CCDC85C: variants seen among roughly 807,000 people sequenced by gnomAD.
CCDC85C encodes the protein coiled-coil domain-containing protein 85C.
CCDC85C carries 18 observed loss-of-function variants against 38.3 expected under a neutral mutation model. The ratio of observed to expected loss-of-function variants is 0.47; its 90% CI spans 0.33 to 0.70. The LOEUF is 0.70. Among genes scored for constraint, CCDC85C ranks in the 30% least tolerant of loss-of-function variants. The probability of loss-of-function intolerance (pLI) is 0.03; values close to 1 mark genes in which losing one functional copy is unlikely to be tolerated. For synonymous variants in CCDC85C, 264 were observed against 293.8 expected (o/e 0.90, Z 1.04); for missense variants, 566 against 621.2 (o/e 0.91, Z 0.94).
At chr14:99,593,127 G>A (rs1041678332) in intron 1 of CCDC85C, among the ~76,000 whole-genome samples, 13 of 152,232 alleles carry the variant, frequency 8.5e-5, no homozygotes, top group Non-Finnish European at 5.9e-5. Flanking sequence ...GGCCGGTGCC[G>A]TGCGCGGTGA....
At chr14:99,527,083 CAGGCCTCA>C (rs1223501457) in intron 2 of CCDC85C, among the ~76,000 whole-genome samples, 1 of 152,232 alleles carries the variant, frequency 6.6e-6, no homozygotes, top group Non-Finnish European at 1.5e-5. Context: ...CCACAGAAGA[CAGGCCTCA>C]ACTTGACCCC....
intron 1 of CCDC85C, among the ~76,000 whole-genome samples, chr14:99,602,330 AGCTGACAGAG>A (rs1429461212): frequency 6.6e-6 from 1 of 152,206 alleles, no homozygotes; most frequent in Non-Finnish European, 1.5e-5. Context: ...AGAAGACAGA[AGCTGACAGAG>A]GCCAAAGTTC....
Position 99,501,503 on chromosome 14 carries a change from C to A in CCDC85C, c.*13743G>T. 2 of 919,432 alleles carry A rather than the reference C, an allele frequency of 2.2e-6. No individual in the cohort carries two copies. The highest frequency in any genetic ancestry group is 1.4e-5 in the South Asian group (1 of 70,628). The allele number at this position is 919,432 out of a possible 1,614,324, so 57.0% of individuals were successfully genotyped here. ...TTCATCTAAACCCCTCATTTTGTGTCAGAAGAAACTGACTTGCCCTGGCTT... is the reference window on the plus strand; with the variant it reads ...TTCATCTAAACCCCTCATTTTGTGTAAGAAGAAACTGACTTGCCCTGGCTT... On this transcript the variant is annotated 3_prime_UTR_variant, in exon 6 of 6. Transcript: ENST00000380243.
intron 1 of CCDC85C, among the ~76,000 whole-genome samples, chr14:99,578,444 C>T (rs939675608): frequency 6.6e-6 from 1 of 152,182 alleles, no homozygotes; most frequent in Non-Finnish European, 1.5e-5. Flanking sequence ...CCTATGTTCC[C>T]CGTCATGCAG....
At chr14:99,523,174 G>T (rs2139902122) in intron 2 of CCDC85C, among the ~76,000 whole-genome samples, 1 of 152,266 alleles carries the variant, frequency 6.6e-6, no homozygotes, top group African/African-American at 2.4e-5. Flanking sequence ...CAAACAAACT[G>T]CAGGGGCAGG....
At chr14:99,519,502 C>T (rs373649711) in intron 3 of CCDC85C, among the ~76,000 whole-genome samples, 68 of 152,178 alleles carry the variant, frequency 4.5e-4, no homozygotes, top group African/African-American at 1.3e-3. Context: ...TGGGGCTGGG[C>T]GCCAAACCCA....
intron 1 of CCDC85C, among the ~76,000 whole-genome samples, chr14:99,565,568 G>A (rs1898199723): frequency 1.3e-5 from 2 of 152,198 alleles, no homozygotes; most frequent in Non-Finnish European, 2.9e-5. Context: ...ATGAACCCAG[G>A]GGCAGAGTGT....
Position 99,507,089 on chromosome 14 carries a change from TA to T in CCDC85C, c.*8156del. On this transcript the variant is annotated 3_prime_UTR_variant, in exon 6 of 6. Coordinates refer to ENST00000380243, the MANE Select transcript of CCDC85C (RefSeq NM_001144995.2). ...TTTTCTTTGTAGAACCACCACCACC[TA>T]AAATCCCCAAAATTGAGACCACTCA... 2 of 1,609,504 alleles carry T rather than the reference TA, an allele frequency of 1.2e-6. No homozygotes were observed. The highest frequency in any genetic ancestry group is 1.7e-6 in the Non-Finnish European group (2 of 1,175,862).
At chr14:99,587,501 G>A (rs964316549) in intron 1 of CCDC85C, among the ~76,000 whole-genome samples, 12 of 152,166 alleles carry the variant, frequency 7.9e-5, no homozygotes, top group Non-Finnish European at 7.4e-5. Context: ...AGAGCTCTAA[G>A]CCAAGGGTCT....
chr14:99,581,467 C>A (rs2054967978), intron 1 of CCDC85C, among the ~76,000 whole-genome samples: 1 of 152,216 alleles, frequency 6.6e-6, no homozygotes, highest in Non-Finnish European at 1.5e-5. Flanking sequence ...TGGCCTCGCT[C>A]CCCCCACCCA....
chr14:99,543,941 G>A (rs549971052), intron 1 of CCDC85C, among the ~76,000 whole-genome samples: 1 of 152,362 alleles, frequency 6.6e-6, no homozygotes, highest in South Asian at 2.1e-4. Flanking sequence ...GTTGCAGGCC[G>A]AGGCAGCTGG....
At chr14:99,521,490 G>A (rs959766180) in intron 3 of CCDC85C, among the ~76,000 whole-genome samples, 3 of 152,140 alleles carry the variant, frequency 2.0e-5, no homozygotes, top group Admixed American at 6.5e-5. Flanking sequence ...CTCCATACAC[G>A]GCTCTGCAGG....
At chr14:99,580,160 C>G (rs767149029) in intron 1 of CCDC85C, 19 of 454,658 alleles carry the variant, frequency 4.2e-5, no homozygotes, top group South Asian at 2.8e-4. Context: ...TGGCCCCCGG[C>G]ACACCCAGAG....
rs376468487 is a variant in CCDC85C, at chr14:99,505,941, C to G, written c.*9305G>C. On this transcript the variant is annotated 3_prime_UTR_variant, in exon 6 of 6. Transcript: ENST00000380243. ...TGCTGTTGGACAGCCCTGATGTAGACGGCTTTAGCTAACTATTACCAGCTG... is the reference window on the plus strand; with the variant it reads ...TGCTGTTGGACAGCCCTGATGTAGAGGGCTTTAGCTAACTATTACCAGCTG... The G allele has an allele frequency of 6.6e-6, 1 of 152,428 alleles. No homozygotes were observed. Among genetic ancestry groups the G allele is most frequent in the East Asian group, 1.9e-4 (1 of 5,190 alleles). 9.4% of individuals were successfully genotyped at this position (152,428 alleles called of 1,614,324 possible).
Position 99,603,051 on chromosome 14 carries a change from AG to A in CCDC85C, c.793+115del. 8.3e-7 allele frequency: 1 copy of A among 1,205,576 alleles called. No individual in the cohort carries two copies. Among genetic ancestry groups the A allele is most frequent in the Non-Finnish European group, 1.0e-6 (1 of 955,800 alleles). 74.7% of individuals were successfully genotyped at this position (1,205,576 alleles called of 1,614,324 possible). ...GCCCAGGATCCATGACAGCTGGAGG[AG>A]TCTGGAGTGGCGGCCGCATGAGTGG... On this transcript the variant is annotated intron_variant, in intron 1 of 5. Coordinates refer to ENST00000380243, the MANE Select transcript of CCDC85C (RefSeq NM_001144995.2). This position sits in a 1 kb window ranked among gnomAD's most constrained non-coding sequence, Gnocchi z 7.5.
chr14:99,534,676 C>T, intron 2 of CCDC85C: 2 of 702,406 alleles, frequency 2.8e-6, no homozygotes, highest in Non-Finnish European at 5.2e-6. Flanking sequence ...TCCACACACC[C>T]TCCTTAGCAA....
chr14:99,534,719 G>A (rs1897560035), intron 2 of CCDC85C: 1 of 702,416 alleles, frequency 1.4e-6, no homozygotes, highest in Non-Finnish European at 2.6e-6. Flanking sequence ...GCAATGGAAG[G>A]CTGGCGTCTA....
Position 99,502,977 on chromosome 14 carries a change from G to T in CCDC85C, c.*12269C>A. ...CCCAGTTCTCCCCGACAGGTTAAGC[G>T]AGCCGTGGTGAGTGGGCTAAAGCAG... On this transcript the variant is annotated 3_prime_UTR_variant, in exon 6 of 6. Coordinates refer to ENST00000380243, the MANE Select transcript of CCDC85C (RefSeq NM_001144995.2). 9 of 1,613,976 alleles carry T rather than the reference G, an allele frequency of 5.6e-6. No individual in the cohort carries two copies. The highest frequency in any genetic ancestry group is 7.6e-6 in the Non-Finnish European group (9 of 1,179,890).
chr14:99,565,614 G>T (rs1267098724), intron 1 of CCDC85C, among the ~76,000 whole-genome samples: 1 of 152,214 alleles, frequency 6.6e-6, no homozygotes, highest in African/African-American at 2.4e-5. Flanking sequence ...GGGAGGCTGG[G>T]AGCGGGGGCA....
Sources: gnomAD v4.1 joint callset for allele counts (sites outside exome capture counted in the v4.1 genomes callset) on GRCh38, gnomAD v4.1.1 for gene constraint, Gnocchi (gnomAD v3.1) non-coding constraint, MANE v1.5 for transcripts, NCBI Gene and HGNC (gene_info 2026-07-23, HGNC 2026-07-21) for gene names.